Variants in STK32B observed in about 807,000 individuals in gnomAD.
STK32B encodes the protein serine/threonine-protein kinase 32B.
In STK32B, 43 loss-of-function variants were observed where a neutral mutation model predicts 52.6. The observed-to-expected ratio is 0.82, with a 90% CI of 0.64 to 1.05. The LOEUF is 1.05. STK32B is among the 50% of genes least tolerant of loss of function. The probability of loss-of-function intolerance (pLI) is 0.00; values close to 1 mark genes in which losing one functional copy is unlikely to be tolerated. For missense variants in STK32B, 621 were observed against 534.6 expected, an observed-to-expected ratio of 1.16 and a Z score of -1.59; for synonymous variants, 238 against 204.3, an observed-to-expected ratio of 1.17 and a Z score of -1.41.
chr4:5,444,697 A>G (rs142781977), intron 6 of STK32B, among the ~76,000 whole-genome samples: 3 of 152,222 alleles, frequency 2.0e-5, no homozygotes, highest in African/African-American at 7.2e-5. Flanking sequence ...AGCACTCACT[A>G]CGGGCCAGGC....
intron 4 of STK32B, among the ~76,000 whole-genome samples, chr4:5,346,463 T>C (rs1483384385): frequency 6.6e-6 from 1 of 152,194 alleles, no homozygotes; most frequent in Non-Finnish European, 1.5e-5. Context: ...CCCAAACCTC[T>C]GACTTAGTTC....
At chr4:5,121,370 A>C (rs1715014987) in intron 1 of STK32B, among the ~76,000 whole-genome samples, 3 of 152,162 alleles carry the variant, frequency 2.0e-5, no homozygotes, top group Non-Finnish European at 4.4e-5. Context: ...AATTGTAAGC[A>C]CTTTACATGT....
chr4:5,136,308 G>C (rs1386061467), intron 1 of STK32B, among the ~76,000 whole-genome samples: 1 of 152,232 alleles, frequency 6.6e-6, no homozygotes, highest in Non-Finnish European at 1.5e-5. Context: ...CAAGGACACT[G>C]ACACTCCTTT....
chr4:5,491,883 G>A (rs976414501), intron 11 of STK32B, among the ~76,000 whole-genome samples: 11 of 152,278 alleles, frequency 7.2e-5, no homozygotes, highest in Non-Finnish European at 1.5e-4. Flanking sequence ...AAGATCAGAT[G>A]GTTGTAGATA....
At chr4:5,128,337 G>A (rs1715538227) in intron 1 of STK32B, among the ~76,000 whole-genome samples, 1 of 152,226 alleles carries the variant, frequency 6.6e-6, no homozygotes, top group African/African-American at 2.4e-5. Flanking sequence ...GTTTGCTTTC[G>A]AGGAATCGAT....
intron 3 of STK32B, among the ~76,000 whole-genome samples, chr4:5,219,232 G>T (rs1422419396): frequency 6.6e-6 from 1 of 152,166 alleles, no homozygotes; most frequent in Non-Finnish European, 1.5e-5. Flanking sequence ...CACAGTCTTG[G>T]GGCAGATGCT....
intron 4 of STK32B, among the ~76,000 whole-genome samples, chr4:5,353,351 G>T (rs944028440): frequency 6.8e-6 from 1 of 147,328 alleles, no homozygotes; most frequent in African/African-American, 2.7e-5. Flanking sequence ...GCAAAGATTT[G>T]ATGACTAAGA....
At chr4:5,151,050 T>C (rs1052329843) in intron 2 of STK32B, among the ~76,000 whole-genome samples, 1 of 152,206 alleles carries the variant, frequency 6.6e-6, no homozygotes. Flanking sequence ...GATTTTCAAA[T>C]TGACTATAGC....
intron 1 of STK32B, among the ~76,000 whole-genome samples, chr4:5,074,201 T>C (rs1711943539): frequency 6.6e-6 from 1 of 151,758 alleles, no homozygotes; most frequent in African/African-American, 2.4e-5. Context: ...TGTGTGTGTG[T>C]GTGTGTGTGC....
At chr4:5,193,783 T>C (rs1721423060) in intron 3 of STK32B, among the ~76,000 whole-genome samples, 1 of 152,110 alleles carries the variant, frequency 6.6e-6, no homozygotes, top group African/African-American at 2.4e-5. Flanking sequence ...GATTTCAGAG[T>C]GTTTGCTGAT....
intron 3 of STK32B, among the ~76,000 whole-genome samples, chr4:5,241,294 A>G (rs919290039): frequency 6.6e-6 from 1 of 152,200 alleles, no homozygotes; most frequent in Non-Finnish European, 1.5e-5. Flanking sequence ...AAGATGATAT[A>G]CCAGTATAAT....
intron 1 of STK32B, among the ~76,000 whole-genome samples, chr4:5,066,746 G>C (rs1398484814): frequency 6.6e-6 from 1 of 152,102 alleles, no homozygotes; most frequent in Non-Finnish European, 1.5e-5. Context: ...CATTCTTTCA[G>C]TTTTGAAAAA....
chr4:5,054,499 A>G (rs895878165), intron 1 of STK32B, among the ~76,000 whole-genome samples: 7 of 131,626 alleles, frequency 5.3e-5, no homozygotes, highest in Non-Finnish European at 6.3e-5. Flanking sequence ...GGTAAAGAGT[A>G]AGCCTGGCTC....
At chr4:5,096,361 A>G (rs890142043) in intron 1 of STK32B, among the ~76,000 whole-genome samples, 1 of 152,226 alleles carries the variant, frequency 6.6e-6, no homozygotes, top group African/African-American at 2.4e-5. Flanking sequence ...GGCTGTTGGT[A>G]ACGGTGCAGG....
chr4:5,278,783 AG>A (rs1449853208), intron 3 of STK32B, among the ~76,000 whole-genome samples: 1 of 152,166 alleles, frequency 6.6e-6, no homozygotes, highest in African/African-American at 2.4e-5. Flanking sequence ...ATGGCTGGGA[AG>A]ACCTCAGGAA....
rs1000039451 is a variant in STK32B, at chr4:5,175,706, G to T, written c.260+7256G>T. On this transcript the variant is annotated intron_variant, in intron 3 of 11. Transcript: ENST00000282908. ...ACCCGGCCGTGTGAGGTGTCAATCTGCCCCTACTGGGGGGTGCCTCCCAGT... is the reference window on the plus strand; with the variant it reads ...ACCCGGCCGTGTGAGGTGTCAATCTTCCCCTACTGGGGGGTGCCTCCCAGT... Among the ~76,000 whole-genome samples the T allele has an allele frequency of 2.6e-5, 4 of 152,138 alleles. No homozygotes were observed. In the East Asian group the frequency reaches 7.7e-4, roughly 29 times the overall value.
intron 4 of STK32B, among the ~76,000 whole-genome samples, chr4:5,389,087 C>T (rs1024442734): frequency 2.0e-5 from 3 of 152,140 alleles, no homozygotes; most frequent in Non-Finnish European, 4.4e-5. Flanking sequence ...ATTTGAGTAG[C>T]AGCATGGGGT....
Position 5,500,249 on chromosome 4 carries a change from A to T in STK32B, c.*1166A>T, listed in dbSNP as rs1720623803. ...TGGGAGACCTTAGGCAAAGCATGCA[A>T]TCGCTCTGAATGGCAGTTTCCTCAT... On this transcript the variant is annotated 3_prime_UTR_variant, in exon 12 of 12. Coordinates refer to ENST00000282908, the MANE Select transcript of STK32B (RefSeq NM_018401.3). The T allele has an allele frequency of 6.6e-6, 1 of 152,184 alleles. No individual in the cohort carries two copies. Among genetic ancestry groups the T allele is most frequent in the Non-Finnish European group, 1.5e-5 (1 of 68,048 alleles). The allele number at this position is 152,184 out of a possible 1,614,324, so 9.4% of individuals were successfully genotyped here.
chr4:5,339,377 T>C (rs1357690294), intron 4 of STK32B, among the ~76,000 whole-genome samples: 1 of 152,218 alleles, frequency 6.6e-6, no homozygotes, highest in African/African-American at 2.4e-5. Context: ...TCTAAAATTA[T>C]AAAGTTGGCA....
Sources: gnomAD v4.1 joint callset for allele counts (sites outside exome capture counted in the v4.1 genomes callset) on GRCh38, gnomAD v4.1.1 for gene constraint, MANE v1.5 for transcripts, NCBI Gene and HGNC (gene_info 2026-07-23, HGNC 2026-07-21) for gene names.